The following COX6B1 variants were observed in gnomAD, a reference collection of about 807,000 sequenced individuals.
COX6B1 encodes cytochrome c oxidase subunit 6B1.
In COX6B1, 2 loss-of-function variants were observed where a neutral mutation model predicts 14.0. The ratio of observed to expected loss-of-function variants is 0.14; its 90% CI spans 0.06 to 0.45. COX6B1 has a LOEUF of 0.45. COX6B1 is among the 20% of genes least tolerant of loss of function. The pLI, the probability that COX6B1 is intolerant of heterozygous loss-of-function variation, is 0.98. For synonymous variants in COX6B1, 30 were observed against 39.7 expected (o/e 0.76, Z 0.92); for missense variants, 81 against 114.2 (o/e 0.71, Z 1.33).
At chr19:35,648,872 C>A (rs573897986) in intron 1 of COX6B1, 3 of 533,460 alleles carry the variant, frequency 5.6e-6, no homozygotes. Context: ...ATCTCCGATG[C>A]ACCCTCATCC....
chr19:35,657,742 G>T (rs958721246), intron 3 of COX6B1, among the ~76,000 whole-genome samples: 2 of 146,064 alleles, frequency 1.4e-5, no homozygotes, highest in African/African-American at 5.1e-5. Flanking sequence ...CTGCAGCCTC[G>T]AACTCCTGGG....
intron 1 of COX6B1, chr19:35,648,867 C>T (rs548499086): frequency 3.7e-6 from 2 of 533,438 alleles, no homozygotes; most frequent in Admixed American, 1.9e-5. Context: ...GCGTCATCTC[C>T]GATGCACCCT....
chr19:35,651,465 G>T (rs979093048), intron 2 of COX6B1, 116 bp downstream of exon 2: 13 of 778,852 alleles, frequency 1.7e-5, no homozygotes, highest in Non-Finnish European at 2.9e-5. Flanking sequence ...TACTCTGGAA[G>T]GCCCATGCCT....
chr19:35,658,553 A>C, intron 3 of COX6B1, 41 bp from the exon 4 acceptor site: 2 of 1,574,190 alleles, frequency 1.3e-6, no homozygotes, highest in Non-Finnish European at 8.7e-7. Flanking sequence ...CCATCCGTTC[A>C]GTTTCCCCAC....
At chr19:35,654,784 A>G (rs890460195) in intron 3 of COX6B1, 113 bp downstream of exon 3, 7 of 879,440 alleles carry the variant, frequency 8.0e-6, no homozygotes, top group Non-Finnish European at 1.3e-5. Context: ...ACAGGGCACC[A>G]CACTGTCCCA....
rs1967820094 is a variant in COX6B1 at position 35,651,175 on chromosome 19, G to A, written c.-11-58G>A. On this transcript the variant is annotated intron_variant, in intron 1 of 3. Coordinates refer to ENST00000649813, the MANE Select transcript of COX6B1 (RefSeq NM_001863.5). Reference sequence around the variant, plus strand: ...TGCCCTCTTCCATTGATCCTGGGTAGTCTGGCTTGCTCAGGGCCCCTGGGG... The same window carrying A: ...TGCCCTCTTCCATTGATCCTGGGTAATCTGGCTTGCTCAGGGCCCCTGGGG... The A allele has an allele frequency of 1.9e-5, 20 of 1,049,700 alleles. No individual in the cohort carries two copies. In the East Asian group the frequency reaches 4.8e-4, roughly 25 times the overall value. 65.0% of individuals were successfully genotyped at this position (1,049,700 alleles called of 1,614,324 possible).
At chr19:35,655,783 CTCTCTT>C (rs1336804970) in intron 3 of COX6B1, among the ~76,000 whole-genome samples, 5 of 150,278 alleles carry the variant, frequency 3.3e-5, no homozygotes, top group African/African-American at 9.9e-5. Context: ...CTCTCTCTCT[CTCTCTT>C]TGTCGCCCTC....
intron 2 of COX6B1, 84 bp from the exon 3 acceptor site, chr19:35,654,486 TG>T (rs758334628): frequency 4.5e-6 from 5 of 1,121,256 alleles, no homozygotes; most frequent in African/African-American, 1.5e-5. Flanking sequence ...CCAGCCTGAG[TG>T]ACAGATTGAG....
intron 1 of COX6B1, chr19:35,648,710 A>C (rs937981945): frequency 2.9e-5 from 12 of 411,028 alleles, no homozygotes; most frequent in Non-Finnish European, 4.9e-5. Flanking sequence ...CTGAACCTAC[A>C]CAGCGACCAG....
intron 3 of COX6B1, among the ~76,000 whole-genome samples, chr19:35,656,757 C>T (rs1027166140): frequency 6.6e-6 from 1 of 152,024 alleles, no homozygotes; most frequent in Non-Finnish European, 1.5e-5. Flanking sequence ...CTGGGATTAC[C>T]GGCGTGAGCC....
intron 1 of COX6B1, 151 bp downstream of exon 1, chr19:35,648,554 A>C (rs1189807671): frequency 9.3e-6 from 3 of 323,764 alleles, no homozygotes; most frequent in African/African-American, 2.2e-5. Flanking sequence ...GTAAGAGCTA[A>C]CAATGATACG....
At chr19:35,658,452 C>T in intron 3 of COX6B1, 142 bp from the exon 4 acceptor site, 1 of 715,106 alleles carries the variant, frequency 1.4e-6, no homozygotes. Flanking sequence ...ACTGCTGATT[C>T]CCCGGCCTCT....
intron 3 of COX6B1, among the ~76,000 whole-genome samples, chr19:35,657,557 G>A (rs919083765): frequency 8.6e-5 from 13 of 151,470 alleles, no homozygotes; most frequent in African/African-American, 3.2e-4. Context: ...ATATAAAAAC[G>A]TTTATGCTTG....
At chr19:35,654,777 G>T in intron 3 of COX6B1, 106 bp downstream of exon 3, 1 of 953,014 alleles carries the variant, frequency 1.0e-6, no homozygotes, top group Non-Finnish European at 1.7e-6. Flanking sequence ...AGGGAGGACA[G>T]GGCACCACAC....
Position 35,654,522 on chromosome 19 carries a change from AT to A in COX6B1, c.107-48del. On this transcript the variant is annotated intron_variant, in intron 2 of 3. Coordinates refer to ENST00000649813, the MANE Select transcript of COX6B1 (RefSeq NM_001863.5). ...GACCCTACCTCAAAAAAAAAAAAAA[AT>A]GTGTTCCAACTCTTGATCTGGGCTG... The A allele has an allele frequency of 5.2e-6, 8 of 1,526,522 alleles. No individual in the cohort carries two copies. In the South Asian group the frequency reaches 7.9e-5, roughly 15 times the overall value. 94.6% of individuals were successfully genotyped at this position (1,526,522 alleles called of 1,614,324 possible). A position where few individuals can be genotyped will look rare whatever the true frequency, so the allele number is the denominator to read the frequency against.
chr19:35,650,449 G>T (rs577622162), intron 1 of COX6B1, among the ~76,000 whole-genome samples: 1 of 152,036 alleles, frequency 6.6e-6, no homozygotes, highest in Admixed American at 6.6e-5. Context: ...TGGTGTCTCC[G>T]TTCTGTAATC....
intron 1 of COX6B1, 138 bp downstream of exon 1, chr19:35,648,541 A>C (rs1967787114): frequency 6.6e-6 from 2 of 305,326 alleles, no homozygotes; most frequent in Non-Finnish European, 1.3e-5. Context: ...TGTTCTGTTC[A>C]TCGTAAGAGC....
Position 35,651,823 on chromosome 19 carries a change from T to C in COX6B1, c.106+474T>C, listed in dbSNP as rs1967827511. ...CATGCGCTCTTCCTGCCTCAGCTTC[T>C]CAAAGTGTTGGGATTATAGGTGTGA... On this transcript the variant is annotated intron_variant, in intron 2 of 3. Coordinates refer to ENST00000649813, the MANE Select transcript of COX6B1 (RefSeq NM_001863.5). Among the ~76,000 whole-genome samples, 3 of 151,934 alleles carry C rather than the reference T, an allele frequency of 2.0e-5. No individual in the cohort carries two copies. In the South Asian group the frequency reaches 6.2e-4, roughly 32 times the overall value.
chr19:35,658,508 A>G, intron 3 of COX6B1, 86 bp from the exon 4 acceptor site: 3 of 1,261,300 alleles, frequency 2.4e-6, no homozygotes, highest in East Asian at 4.7e-5. Context: ...TATTGGTTGA[A>G]CAAACAGGTG....
Sources: gnomAD v4.1 joint callset for allele counts (sites outside exome capture counted in the v4.1 genomes callset) on GRCh38, gnomAD v4.1.1 for gene constraint, MANE v1.5 for transcripts, NCBI Gene and HGNC (gene_info 2026-07-23, HGNC 2026-07-21) for gene names.